The following LRRC4C variants were observed in gnomAD, a reference collection of about 807,000 sequenced individuals.
LRRC4C encodes leucine-rich repeat-containing protein 4C.
LRRC4C carries 5 observed loss-of-function variants against 33.6 expected under a neutral mutation model. The observed-to-expected ratio is 0.15, with a 90% CI of 0.08 to 0.31. The LOEUF (loss-of-function observed/expected upper bound fraction) is 0.31, where lower values mean the gene tolerates loss of function less well. LRRC4C is among the 10% of genes least tolerant of loss of function. The pLI, the probability that LRRC4C is intolerant of heterozygous loss-of-function variation, is 1.00. For missense variants in LRRC4C, 560 were observed against 796.7 expected, an observed-to-expected ratio of 0.70 and a Z score of 3.58; for synonymous variants, 329 against 302.0, an observed-to-expected ratio of 1.09 and a Z score of -0.93.
chr11:40,500,730 G>C (rs537342828), intron 3 of LRRC4C, among the ~76,000 whole-genome samples: 4 of 152,178 alleles, frequency 2.6e-5, no homozygotes, highest in African/African-American at 9.6e-5. Context: ...TACAATTCAT[G>C]ATGAGATTTG....
chr11:40,355,738 C>G (rs1947627604), intron 3 of LRRC4C, among the ~76,000 whole-genome samples: 1 of 152,110 alleles, frequency 6.6e-6, no homozygotes, highest in South Asian at 2.1e-4. Flanking sequence ...CTTTCCTACT[C>G]TCCTCAGTGC....
At chr11:40,859,401 T>C (rs900750430) in intron 2 of LRRC4C, among the ~76,000 whole-genome samples, 7 of 152,138 alleles carry the variant, frequency 4.6e-5, no homozygotes, top group African/African-American at 1.7e-4. Context: ...ATATCTAGCA[T>C]GCAGTAGAAA....
intron 1 of LRRC4C, among the ~76,000 whole-genome samples, chr11:41,016,159 A>G (rs193137601): frequency 7.8e-6 from 1 of 129,016 alleles, no homozygotes; most frequent in Non-Finnish European, 1.8e-5. Flanking sequence ...GTCTTAGTAT[A>G]GAAAAAAAAA....
chr11:40,508,092 C>G (rs1955128717), intron 3 of LRRC4C, among the ~76,000 whole-genome samples: 2 of 152,230 alleles, frequency 1.3e-5, no homozygotes, highest in East Asian at 1.9e-4. Context: ...ATAGCATACT[C>G]TGAAGCCAGA....
intron 3 of LRRC4C, among the ~76,000 whole-genome samples, chr11:40,550,086 C>T (rs1200280524): frequency 6.6e-6 from 1 of 152,032 alleles, no homozygotes; most frequent in Non-Finnish European, 1.5e-5. Flanking sequence ...AATGACATGC[C>T]TATAAAACTA....
At chr11:41,169,634 T>G (rs980016322) in intron 1 of LRRC4C, among the ~76,000 whole-genome samples, 3 of 152,184 alleles carry the variant, frequency 2.0e-5, no homozygotes, top group Non-Finnish European at 4.4e-5. Context: ...GAAAAAATCT[T>G]TTGGCATGAT....
chr11:41,322,922 A>C (rs1462182283), intron 1 of LRRC4C, among the ~76,000 whole-genome samples: 1 of 152,172 alleles, frequency 6.6e-6, no homozygotes, highest in Non-Finnish European at 1.5e-5. Flanking sequence ...ATGCACACAC[A>C]CACATTATTT....
chr11:40,443,246 T>C (rs913406550), intron 3 of LRRC4C, among the ~76,000 whole-genome samples: 4 of 152,212 alleles, frequency 2.6e-5, no homozygotes, highest in African/African-American at 9.6e-5. Context: ...AAATTTCCCC[T>C]GTAGTTGGGA....
rs372235970 is a variant in LRRC4C at position 40,496,843 on chromosome 11, C to T, written c.-270+151299G>A. 1.4e-4 allele frequency among the ~76,000 whole-genome samples: 22 copies of T among 152,248 alleles called. No individual in the cohort carries two copies. In the South Asian group the frequency reaches 4.6e-3, roughly 32 times the overall value. On this transcript the variant is annotated intron_variant, in intron 3 of 6. Transcript: ENST00000528697. ...AGATTGAGTTCACATGTGCTCATGTCTTGAATGTACTAGAAGATTCTAAAA... is the reference window on the plus strand; with the variant it reads ...AGATTGAGTTCACATGTGCTCATGTTTTGAATGTACTAGAAGATTCTAAAA...
chr11:40,430,120 TA>T (rs1429741529), intron 3 of LRRC4C, among the ~76,000 whole-genome samples: 5 of 152,134 alleles, frequency 3.3e-5, no homozygotes, highest in African/African-American at 1.2e-4. Context: ...GCTGTGCTTT[TA>T]TTGGGCTTTA....
chr11:40,717,323 G>A (rs1391027192), intron 2 of LRRC4C, among the ~76,000 whole-genome samples: 1 of 148,306 alleles, frequency 6.7e-6, no homozygotes, highest in East Asian at 2.0e-4. Context: ...TAACAATTTT[G>A]GAGATTTTTA....
Position 40,163,907 on chromosome 11 carries a change from TAAAC to T in LRRC4C, c.-95-23058_-95-23055del, listed in dbSNP as rs557823160. Among the ~76,000 whole-genome samples, 147 of 152,290 alleles carry T rather than the reference TAAAC, an allele frequency of 9.7e-4. 1 individual carries two copies. In the Middle Eastern group the frequency reaches 0.014, roughly 14 times the overall value. On this transcript the variant is annotated intron_variant, in intron 5 of 6. Coordinates refer to ENST00000528697, the MANE Select transcript of LRRC4C (RefSeq NM_001258419.2). The stretch of plus-strand genomic sequence containing the variant: ...GGGATTATAATTTGTTTCTATAACA[TAAAC>T]AAATATAAACTCCCTTGATTGGGTT...
chr11:41,334,005 C>A (rs951692004), intron 1 of LRRC4C, among the ~76,000 whole-genome samples: 1 of 152,244 alleles, frequency 6.6e-6, no homozygotes, highest in Middle Eastern at 3.4e-3. Flanking sequence ...CTGGCTATCT[C>A]TCCAAACCTC....
At chr11:40,299,061 A>G (rs2136650711) in intron 4 of LRRC4C, among the ~76,000 whole-genome samples, 1 of 152,288 alleles carries the variant, frequency 6.6e-6, no homozygotes, top group Admixed American at 6.5e-5. Flanking sequence ...GCAAGTGGAG[A>G]ATCAGAGTGA....
chr11:40,603,077 G>T (rs187036699), intron 3 of LRRC4C, among the ~76,000 whole-genome samples: 11 of 152,242 alleles, frequency 7.2e-5, no homozygotes, highest in Non-Finnish European at 1.3e-4. Flanking sequence ...TCTGACTAAA[G>T]GGAATGGCAC....
At chr11:40,287,165 T>A (rs980702107) in intron 4 of LRRC4C, among the ~76,000 whole-genome samples, 1 of 151,898 alleles carries the variant, frequency 6.6e-6, no homozygotes, top group Non-Finnish European at 1.5e-5. Flanking sequence ...AATTCATTAA[T>A]GACAACACCA....
intron 4 of LRRC4C, among the ~76,000 whole-genome samples, chr11:40,297,441 A>G (rs1944567607): frequency 6.6e-6 from 1 of 152,202 alleles, no homozygotes; most frequent in South Asian, 2.1e-4. Context: ...TTCAATACTC[A>G]GCAGGAGTTT....
chr11:41,021,254 T>A (rs1855964776), intron 1 of LRRC4C, among the ~76,000 whole-genome samples: 1 of 145,296 alleles, frequency 6.9e-6, no homozygotes, highest in Non-Finnish European at 1.5e-5. Context: ...TAATTCAGCA[T>A]CTCCAACTTT....
At chr11:40,609,016 C>T (rs1017572127) in intron 3 of LRRC4C, among the ~76,000 whole-genome samples, 1 of 151,996 alleles carries the variant, frequency 6.6e-6, no homozygotes, top group African/African-American at 2.4e-5. Context: ...ATTGATAGAA[C>T]ATCCAGAGAG....
Sources: allele counts gnomAD v4.1 joint callset (sites outside exome capture counted in the v4.1 genomes callset), GRCh38; gene constraint gnomAD v4.1.1; transcripts MANE v1.5; gene names NCBI Gene and HGNC (gene_info 2026-07-23, HGNC 2026-07-21).